DTWD2: variants seen among roughly 807,000 people sequenced by gnomAD.
The protein encoded by DTWD2 is DTW motif tRNA-uridine aminocarboxypropyltransferase 2, also known as tRNA-uridine aminocarboxypropyltransferase 2.
In DTWD2, 39 loss-of-function variants were observed where a neutral mutation model predicts 31.8. The ratio of observed to expected loss-of-function variants is 1.22; its 90% CI spans 0.95 to 1.60. DTWD2 has a LOEUF of 1.60. Among genes scored for constraint, DTWD2 ranks in the 40% most tolerant of loss-of-function variants. DTWD2 has a pLI of 0.00. For missense variants in DTWD2, 515 were observed against 381.5 expected (o/e 1.35, Z -2.92); for synonymous variants, 180 against 142.8 (o/e 1.26, Z -1.86).
Position 118,928,711 on chromosome 5 carries a change from A to C in DTWD2, c.423T>G (p.Thr141=), listed in dbSNP as rs896336803. 1 of 1,571,682 alleles carries C rather than the reference A, an allele frequency of 6.4e-7. No individual in the cohort carries two copies. The highest frequency in any genetic ancestry group is 1.4e-5 in the African/African-American group (1 of 73,474). ...TTAATGTACCAGACTTCCGGCAAACAGTTGAAAGTTCAGGATCTCTGAAAA... is the reference window on the plus strand; with the variant it reads ...TTAATGTACCAGACTTCCGGCAAACCGTTGAAAGTTCAGGATCTCTGAAAA... ...FSEERDPELS[T]VCRKSGTLIL... The change falls in exon 4 of 6, where the codon ACT becomes ACG. Residue 141 remains threonine (T), a synonymous_variant. Coordinates refer to ENST00000510708, the MANE Select transcript of DTWD2 (RefSeq NM_173666.4).
At chr5:118,978,409 C>G (rs1266121587) in intron 1 of DTWD2, among the ~76,000 whole-genome samples, 1 of 152,010 alleles carries the variant, frequency 6.6e-6, no homozygotes, top group Non-Finnish European at 1.5e-5. Flanking sequence ...CTCTGCACAC[C>G]AAAAGAAACT....
At chr5:118,909,783 G>T (rs995216128) in intron 4 of DTWD2, among the ~76,000 whole-genome samples, 2 of 152,204 alleles carry the variant, frequency 1.3e-5, no homozygotes, top group Non-Finnish European at 2.9e-5. Context: ...ACAGAGAGCT[G>T]CCTGAAATGA....
At chr5:118,963,619 T>A (rs998234034) in intron 1 of DTWD2, among the ~76,000 whole-genome samples, 5 of 152,180 alleles carry the variant, frequency 3.3e-5, no homozygotes, top group African/African-American at 4.8e-5. Context: ...TAAAAGGGAA[T>A]TGAACAGATG....
At chr5:118,976,056 A>G (rs1395383511) in intron 1 of DTWD2, among the ~76,000 whole-genome samples, 1 of 152,234 alleles carries the variant, frequency 6.6e-6, no homozygotes, top group Non-Finnish European at 1.5e-5. Flanking sequence ...CCTCACAACT[A>G]CACGGAAACT....
At chr5:118,939,480 T>C (rs560312275) in intron 2 of DTWD2, among the ~76,000 whole-genome samples, 190 bp from the exon 3 acceptor site, 12 of 152,188 alleles carry the variant, frequency 7.9e-5, no homozygotes, top group Non-Finnish European at 1.8e-4. Context: ...CAAGCATACA[T>C]TTTTATTCTA....
At chr5:118,976,895 T>G (rs1185660126) in intron 1 of DTWD2, among the ~76,000 whole-genome samples, 2 of 152,138 alleles carry the variant, frequency 1.3e-5, no homozygotes, top group Non-Finnish European at 2.9e-5. Flanking sequence ...AAAAGAACAT[T>G]TCAGGCCAAT....
chr5:118,865,645 T>C (rs1182404869), intron 4 of DTWD2, among the ~76,000 whole-genome samples: 1 of 152,188 alleles, frequency 6.6e-6, no homozygotes. Flanking sequence ...ATAGCGACTA[T>C]ATCTCAAGGA....
chr5:118,890,503 TTC>T (rs1282913862), intron 4 of DTWD2, among the ~76,000 whole-genome samples: 1 of 151,934 alleles, frequency 6.6e-6, no homozygotes, highest in Non-Finnish European at 1.5e-5. Context: ...TTACATAAAT[TTC>T]TCTATTTCAG....
At chr5:118,872,053 A>T (rs1216787747) in intron 4 of DTWD2, among the ~76,000 whole-genome samples, 1 of 152,160 alleles carries the variant, frequency 6.6e-6, no homozygotes, top group East Asian at 1.9e-4. Context: ...AGCTTCTCAA[A>T]CCTCATGAAC....
At chr5:118,939,763 A>C (rs1382346709) in intron 2 of DTWD2, among the ~76,000 whole-genome samples, 1 of 152,164 alleles carries the variant, frequency 6.6e-6, no homozygotes, top group Non-Finnish European at 1.5e-5. Context: ...TTTTTTTAAA[A>C]AAGAAAACAA....
At chr5:118,971,589 C>T (rs1456952510) in intron 1 of DTWD2, among the ~76,000 whole-genome samples, 1 of 152,122 alleles carries the variant, frequency 6.6e-6, no homozygotes, top group East Asian at 1.9e-4. Flanking sequence ...AGAAAATTAA[C>T]AAAGATATTC....
chr5:118,969,192 A>G (rs1754924250), intron 1 of DTWD2, among the ~76,000 whole-genome samples: 1 of 140,232 alleles, frequency 7.1e-6, no homozygotes, highest in African/African-American at 2.6e-5. Flanking sequence ...CCAAGAGGGG[A>G]GGGGCGGGGG....
intron 4 of DTWD2, among the ~76,000 whole-genome samples, chr5:118,884,864 G>T (rs1318912291): frequency 2.0e-5 from 3 of 151,474 alleles, no homozygotes; most frequent in African/African-American, 7.3e-5. Flanking sequence ...AAATTAGCCG[G>T]GCGTGGTGGC....
chr5:118,973,654 C>T (rs1223156658), intron 1 of DTWD2: 1 of 813,768 alleles, frequency 1.2e-6, no homozygotes, highest in Non-Finnish European at 2.0e-6. Context: ...CCTCCTTGCT[C>T]GCGGCAGCCT....
intron 4 of DTWD2, among the ~76,000 whole-genome samples, chr5:118,908,857 C>A (rs990022917): frequency 6.6e-6 from 1 of 152,124 alleles, no homozygotes; most frequent in Admixed American, 6.5e-5. Flanking sequence ...GTAGGAGATA[C>A]CAGCCTTCCT....
intron 2 of DTWD2, among the ~76,000 whole-genome samples, chr5:118,942,511 A>C (rs2149585340): frequency 6.6e-6 from 1 of 151,946 alleles, no homozygotes; most frequent in East Asian, 1.9e-4. Context: ...AGGTATTTGA[A>C]AACATTAAAA....
At chr5:118,917,788 A>G (rs913842967) in intron 4 of DTWD2, among the ~76,000 whole-genome samples, 25 of 152,278 alleles carry the variant, frequency 1.6e-4, no homozygotes, top group African/African-American at 5.8e-4. Context: ...AGTGACAAAC[A>G]TGGTGAAACC....
At chr5:118,967,397 C>T (rs988227716) in intron 1 of DTWD2, among the ~76,000 whole-genome samples, 4 of 152,144 alleles carry the variant, frequency 2.6e-5, no homozygotes, top group African/African-American at 9.7e-5. Flanking sequence ...ACCAAGCACC[C>T]GGATCTTGGT....
At chr5:118,945,639 C>T (rs1451196843) in intron 1 of DTWD2, among the ~76,000 whole-genome samples, 1 of 151,680 alleles carries the variant, frequency 6.6e-6, no homozygotes, top group African/African-American at 2.4e-5. Flanking sequence ...GTGGTGGGTG[C>T]CTATAATCCC....
Sources: allele counts gnomAD v4.1 joint callset (sites outside exome capture counted in the v4.1 genomes callset), GRCh38; gene constraint gnomAD v4.1.1; transcripts MANE v1.5; gene names NCBI Gene and HGNC (gene_info 2026-07-23, HGNC 2026-07-21).